The following NDUFAF6 variants were observed in gnomAD, a reference collection of about 807,000 sequenced individuals.
The protein encoded by NDUFAF6 is NADH dehydrogenase (ubiquinone) complex I, assembly factor 6.
A neutral mutation model predicts 40.8 loss-of-function variants in NDUFAF6; 45 were observed. The ratio of observed to expected loss-of-function variants is 1.10; its 90% CI spans 0.87 to 1.42. The LOEUF is 1.42. NDUFAF6 is among the 40% of genes most tolerant of loss of function. The pLI, the probability that NDUFAF6 is intolerant of heterozygous loss-of-function variation, is 0.00. For synonymous variants in NDUFAF6, 185 were observed against 155.9 expected (o/e 1.19, Z -1.39); for missense variants, 435 against 418.5 (o/e 1.04, Z -0.34).
chr8:95,011,866 T>G (rs946331289), intron 2 of NDUFAF6, among the ~76,000 whole-genome samples: 7 of 152,206 alleles, frequency 4.6e-5, no homozygotes, highest in African/African-American at 1.7e-4. Context: ...AGTAAGTATC[T>G]TATACTTCTG....
At chr8:95,106,465 T>C (rs1242516130), downstream of NDUFAF6, among the ~76,000 whole-genome samples, 3 of 152,104 alleles carry the variant, frequency 2.0e-5, no homozygotes, top group Non-Finnish European at 4.4e-5. Context: ...TCCTTAAACC[T>C]TATACAAAAA....
intron 2 of NDUFAF6, among the ~76,000 whole-genome samples, chr8:95,093,656 C>T (rs898904111): frequency 6.6e-6 from 1 of 152,192 alleles, no homozygotes; most frequent in African/African-American, 2.4e-5. Flanking sequence ...GGCAGCATTC[C>T]CCAAGGCAAA....
intron 2 of NDUFAF6, among the ~76,000 whole-genome samples, chr8:95,015,768 C>G (rs899637852): frequency 1.3e-5 from 2 of 152,010 alleles, no homozygotes; most frequent in Admixed American, 1.3e-4. Context: ...TGATAAGTAC[C>G]AAGAAGGAAA....
chr8:95,098,485 G>A (rs1809542652), upstream of NDUFAF6, among the ~76,000 whole-genome samples: 1 of 152,144 alleles, frequency 6.6e-6, no homozygotes, highest in South Asian at 2.1e-4. Context: ...GACCAACATG[G>A]TGAAACCCCG....
At chr8:94,905,546 G>GC (rs1272296264) in intron 1 of NDUFAF6, among the ~76,000 whole-genome samples, 15 of 152,140 alleles carry the variant, frequency 9.9e-5, no homozygotes, top group Admixed American at 3.3e-4. Context: ...GTTTCAACAA[G>GC]CCCAGAGCTT....
chr8:94,986,418 A>G (rs889498845), intron 2 of NDUFAF6, among the ~76,000 whole-genome samples: 2 of 152,242 alleles, frequency 1.3e-5, no homozygotes, highest in Non-Finnish European at 2.9e-5. Context: ...CTCCTGAGAC[A>G]TGAAGGTCCT....
intron 2 of NDUFAF6, among the ~76,000 whole-genome samples, chr8:94,982,838 C>T (rs1177024742): frequency 6.6e-6 from 1 of 152,256 alleles, no homozygotes; most frequent in Non-Finnish European, 1.5e-5. Flanking sequence ...GAAGAGCCAA[C>T]TAAGTTGAGA....
intron 2 of NDUFAF6, among the ~76,000 whole-genome samples, chr8:94,991,258 G>A (rs771621490): frequency 6.6e-6 from 1 of 152,176 alleles, no homozygotes; most frequent in African/African-American, 2.4e-5. Flanking sequence ...TCCCTGATTT[G>A]ATAAACATCT....
intron 4 of NDUFAF6, 88 bp from the exon 5 acceptor site, chr8:95,045,457 A>G: frequency 1.2e-6 from 1 of 845,096 alleles, no homozygotes; most frequent in South Asian, 1.4e-5. Context: ...TTTATTCGTT[A>G]TTCAGTTCTT....
At chr8:95,095,672 T>TC (rs113972821), upstream of NDUFAF6, among the ~76,000 whole-genome samples, 1,801 of 152,208 alleles carry the variant, frequency 0.012, 22 homozygotes, top group Middle Eastern at 0.037. Flanking sequence ...TCGCTTTTTT[T>TC]TTTTTTCTTT....
intron 7 of NDUFAF6, 97 bp downstream of exon 7, chr8:95,048,655 C>T: frequency 1.1e-6 from 1 of 895,226 alleles, no homozygotes; most frequent in Non-Finnish European, 1.8e-6. Context: ...ACTTGGCAGT[C>T]TTTTTTCCAT....
At chr8:95,016,719 C>T (rs973866842) in intron 2 of NDUFAF6, among the ~76,000 whole-genome samples, 16 of 151,868 alleles carry the variant, frequency 1.1e-4, no homozygotes, top group Non-Finnish European at 1.5e-4. Flanking sequence ...TCCAGCCTGG[C>T]GACAGAGAGA....
At chr8:94,962,793 T>TTTC (rs1554641979) in intron 1 of NDUFAF6, among the ~76,000 whole-genome samples, 1 of 147,754 alleles carries the variant, frequency 6.8e-6, no homozygotes, top group Non-Finnish European at 1.5e-5. Context: ...CTTTTTTTCT[T>TTTC]TTTTTTTTTT....
At chr8:95,103,540 T>C (rs1044751013), downstream of NDUFAF6, 2 of 152,348 alleles carry the variant, frequency 1.3e-5, no homozygotes, top group African/African-American at 2.4e-5. Flanking sequence ...AAAGTTCATA[T>C]TGAATAACAT....
At chr8:94,952,652 A>T (rs1279414326) in intron 2 of NDUFAF6, among the ~76,000 whole-genome samples, 1 of 152,224 alleles carries the variant, frequency 6.6e-6, no homozygotes, top group Non-Finnish European at 1.5e-5. Flanking sequence ...TAAAAACAGA[A>T]AACAGGCGTT....
intron 2 of NDUFAF6, among the ~76,000 whole-genome samples, chr8:95,093,999 C>T (rs931883399): frequency 1.2e-4 from 18 of 152,138 alleles, no homozygotes; most frequent in Non-Finnish European, 2.4e-4. Context: ...GAGACAGCGT[C>T]TCACTCTGTT....
At chr8:94,933,843 G>GA (rs1488973402) in intron 1 of NDUFAF6, among the ~76,000 whole-genome samples, 1 of 148,248 alleles carries the variant, frequency 6.7e-6, no homozygotes, top group Non-Finnish European at 1.5e-5. Context: ...GTGGGGGGGG[G>GA]GGGAGGATCA....
chr8:94,909,027 C>G (rs555693497), intron 1 of NDUFAF6, among the ~76,000 whole-genome samples: 28 of 152,114 alleles, frequency 1.8e-4, no homozygotes, highest in Non-Finnish European at 3.5e-4. Context: ...TATATGTATC[C>G]AAAGGTACAC....
chr8:95,041,586 A>T lies in NDUFAF6; in HGVS notation c.437A>T (p.Asn146Ile). Residue 146 changes from asparagine (N) to isoleucine (I), a missense_variant, in exon 4 of 9, where the codon AAT (asparagine) becomes ATT (isoleucine). By Grantham distance (149) the Asn-to-Ile change is moderately radical. Coordinates refer to ENST00000396124, the MANE Select transcript of NDUFAF6 (RefSeq NM_152416.4). Reference sequence around the variant, plus strand: ...GTTTTTTAGGCTGTTAAAAGACATAATCTGACTAAAAGATGGCTTATGAAA... The same window carrying T: ...GTTTTTTAGGCTGTTAAAAGACATATTCTGACTAAAAGATGGCTTATGAAA... ...IELWKAVKRHNLTKRWLMKIV... is the reference protein window; with the variant it reads ...IELWKAVKRHILTKRWLMKIV... 1 of 1,611,982 alleles carries T rather than the reference A, an allele frequency of 6.2e-7. No homozygotes were observed. The highest frequency in any genetic ancestry group is 8.5e-7 in the Non-Finnish European group (1 of 1,178,230).
Sources: gnomAD v4.1 joint callset for allele counts (sites outside exome capture counted in the v4.1 genomes callset) on GRCh38, gnomAD v4.1.1 for gene constraint, MANE v1.5 for transcripts, NCBI Gene and HGNC (gene_info 2026-07-23, HGNC 2026-07-21) for gene names.